Variants in SREK1IP1 observed in about 807,000 individuals in gnomAD.
The protein encoded by SREK1IP1 is protein SREK1IP1.
A neutral mutation model predicts 22.8 loss-of-function variants in SREK1IP1; 12 were observed. The ratio of observed to expected loss-of-function variants is 0.53; its 90% CI spans 0.34 to 0.85. SREK1IP1 has a LOEUF of 0.85. Ranked by LOEUF, SREK1IP1 falls within the 40% of genes least tolerant of loss-of-function variation. SREK1IP1 has a pLI of 0.02. For missense variants in SREK1IP1, 147 were observed against 171.8 expected (o/e 0.86, Z 0.81); for synonymous variants, 53 against 52.7 (o/e 1.01, Z -0.02).
chr5:64,753,647 T>C (rs576674151), intron 2 of SREK1IP1, among the ~76,000 whole-genome samples: 7 of 152,284 alleles, frequency 4.6e-5, no homozygotes, highest in Non-Finnish European at 7.4e-5. Context: ...AACTCTTCAA[T>C]GAATTGGAAT....
At chr5:64,764,239 C>T (rs762766210) in intron 1 of SREK1IP1, among the ~76,000 whole-genome samples, 13 of 152,214 alleles carry the variant, frequency 8.5e-5, no homozygotes, top group South Asian at 2.1e-4. Context: ...CCATGGGAAG[C>T]GACACTATAC....
intron 1 of SREK1IP1, among the ~76,000 whole-genome samples, chr5:64,754,952 T>TA (rs951906462): frequency 1.7e-4 from 25 of 151,290 alleles, no homozygotes; most frequent in Admixed American, 1.3e-3. Flanking sequence ...CTAACAAACA[T>TA]AAAAAAAAGC....
chr5:64,763,189 C>CTA (rs1742980456), intron 1 of SREK1IP1, among the ~76,000 whole-genome samples: 1 of 152,118 alleles, frequency 6.6e-6, no homozygotes, highest in Admixed American at 6.6e-5. Flanking sequence ...GTATAAAACT[C>CTA]TTTAGTCTAC....
chr5:64,758,236 T>C (rs187081428), intron 1 of SREK1IP1, among the ~76,000 whole-genome samples: 7 of 152,232 alleles, frequency 4.6e-5, no homozygotes, highest in Non-Finnish European at 8.8e-5. Context: ...TGGAGTGATC[T>C]CAGCAAACTG....
chr5:64,738,061 A>G (rs143293053), intron 3 of SREK1IP1, among the ~76,000 whole-genome samples: 2 of 152,318 alleles, frequency 1.3e-5, no homozygotes, highest in African/African-American at 2.4e-5. Context: ...GATCACTTCC[A>G]AACTTATTTT....
At chr5:64,750,026 A>G (rs1742713465) in intron 2 of SREK1IP1, among the ~76,000 whole-genome samples, 1 of 152,158 alleles carries the variant, frequency 6.6e-6, no homozygotes, top group Non-Finnish European at 1.5e-5. Flanking sequence ...GCTGCAGGTT[A>G]ACAGCCCCAT....
rs1742213191 is a variant in SREK1IP1 at position 64,723,709 on chromosome 5, T to C, written c.*675A>G. On this transcript the variant is annotated 3_prime_UTR_variant, in exon 5 of 5. Coordinates refer to ENST00000513458, the MANE Select transcript of SREK1IP1 (RefSeq NM_173829.4). ...TTTATACAAGAAGTATTTTAATTATTACAAAAACAAAGGAGGCAGGTACTA... is the reference window on the plus strand; with the variant it reads ...TTTATACAAGAAGTATTTTAATTATCACAAAAACAAAGGAGGCAGGTACTA... 1.3e-5 allele frequency: 2 copies of C among 152,560 alleles called. No individual in the cohort carries two copies. Among genetic ancestry groups the C allele is most frequent in the Admixed American group, 1.3e-4 (2 of 15,270 alleles). 9.5% of individuals were successfully genotyped at this position (152,560 alleles called of 1,614,324 possible). A position where few individuals can be genotyped will look rare whatever the true frequency, so the allele number is the denominator to read the frequency against.
At chr5:64,739,618 A>C (rs924915307) in intron 3 of SREK1IP1, among the ~76,000 whole-genome samples, 4 of 152,026 alleles carry the variant, frequency 2.6e-5, no homozygotes, top group Non-Finnish European at 5.9e-5. Context: ...CAGTTTCCAA[A>C]ATTTTACTGC....
chr5:64,749,990 AT>A (rs1742713055), intron 2 of SREK1IP1, among the ~76,000 whole-genome samples: 2 of 151,980 alleles, frequency 1.3e-5, no homozygotes, highest in Admixed American at 1.3e-4. Context: ...CCAAGTAGTA[AT>A]CCTTAACTGT....
chr5:64,765,166 T>C (rs1198624245), intron 1 of SREK1IP1: 1 of 152,250 alleles, frequency 6.6e-6, no homozygotes, highest in Non-Finnish European at 1.5e-5. Context: ...TAAATTTCAC[T>C]GAAACCTGTG....
At chr5:64,748,886 T>C (rs976797495) in intron 2 of SREK1IP1, among the ~76,000 whole-genome samples, 2 of 152,064 alleles carry the variant, frequency 1.3e-5, no homozygotes, top group Non-Finnish European at 2.9e-5. Context: ...CTGGAGATCA[T>C]GAAACCTATT....
intron 2 of SREK1IP1, among the ~76,000 whole-genome samples, chr5:64,753,062 C>A (rs1007934101): frequency 6.6e-6 from 1 of 152,170 alleles, no homozygotes; most frequent in African/African-American, 2.4e-5. Flanking sequence ...CAGATACTTC[C>A]ATTGTTGTCT....
At chr5:64,758,018 G>A (rs531836459) in intron 1 of SREK1IP1, among the ~76,000 whole-genome samples, 2 of 149,824 alleles carry the variant, frequency 1.3e-5, no homozygotes, top group African/African-American at 4.9e-5. Context: ...GACTACAGGC[G>A]CCCGCCACCA....
intron 2 of SREK1IP1, among the ~76,000 whole-genome samples, chr5:64,743,844 T>G (rs1742589996): frequency 6.6e-6 from 1 of 152,134 alleles, no homozygotes. Flanking sequence ...TTATAGTAGG[T>G]AGCTAGTCAG....
intron 2 of SREK1IP1, 30 bp from the exon 3 acceptor site, chr5:64,741,230 TG>T: frequency 6.3e-7 from 1 of 1,590,534 alleles, no homozygotes; most frequent in South Asian, 1.1e-5. Context: ...AAAATGTGAG[TG>T]ATAAAACTAT....
chr5:64,753,448 T>A (rs1742783704), intron 2 of SREK1IP1, among the ~76,000 whole-genome samples: 1 of 152,208 alleles, frequency 6.6e-6, no homozygotes, highest in Non-Finnish European at 1.5e-5. Flanking sequence ...TATAGTTATA[T>A]ATGCAATTTT....
chr5:64,721,305 C>G lies in SREK1IP1; in HGVS notation c.*3079G>C, dbSNP rs2112080730. On this transcript the variant is annotated 3_prime_UTR_variant, in exon 5 of 5. Transcript: ENST00000513458. Reference sequence around the variant, plus strand: ...TCCCCAGTACTTAGCACAGCGTTTGCCACGTTAGGTACTCAATAAATATTT... The same window carrying G: ...TCCCCAGTACTTAGCACAGCGTTTGGCACGTTAGGTACTCAATAAATATTT... 6.6e-6 allele frequency: 1 copy of G among 152,224 alleles called. No individual in the cohort carries two copies. The allele number at this position is 152,224 out of a possible 1,614,324, so 9.4% of individuals were successfully genotyped here.
intron 2 of SREK1IP1, among the ~76,000 whole-genome samples, chr5:64,742,667 T>C (rs553336044): frequency 7.2e-5 from 11 of 152,274 alleles, no homozygotes; most frequent in African/African-American, 2.6e-4. Context: ...CTGGGCCTTA[T>C]TTTTATCCCC....
intron 1 of SREK1IP1, among the ~76,000 whole-genome samples, chr5:64,760,610 G>A (rs757025715): frequency 2.0e-5 from 3 of 152,156 alleles, no homozygotes; most frequent in Non-Finnish European, 4.4e-5. Context: ...GCACAACAAA[G>A]AGTCAGAGAA....
Sources: gnomAD v4.1 joint callset for allele counts (sites outside exome capture counted in the v4.1 genomes callset) on GRCh38, gnomAD v4.1.1 for gene constraint, MANE v1.5 for transcripts, NCBI Gene and HGNC (gene_info 2026-07-23, HGNC 2026-07-21) for gene names.